Variants in TCERG1 observed in about 807,000 individuals in gnomAD.
TCERG1 encodes the protein TATA box binding protein (TBP)-associated factor, RNA polymerase II, S, 150kD.
Under a neutral mutation model 144.7 loss-of-function variants are expected in TCERG1, and 37 were observed. The ratio of observed to expected loss-of-function variants is 0.26; its 90% CI spans 0.20 to 0.34. The LOEUF (loss-of-function observed/expected upper bound fraction) is 0.34, where lower values mean the gene tolerates loss of function less well. Ranked by LOEUF, TCERG1 falls within the 10% of genes least tolerant of loss-of-function variation. The probability of loss-of-function intolerance (pLI) is 1.00; values close to 1 mark genes in which losing one functional copy is unlikely to be tolerated. For synonymous variants in TCERG1, 492 were observed against 458.2 expected (o/e 1.07, Z -0.94); for missense variants, 1,027 against 1,380.7 (o/e 0.74, Z 4.06).
chr5:146,461,400 G>A (rs1216848143), intron 4 of TCERG1, among the ~76,000 whole-genome samples: 2 of 151,990 alleles, frequency 1.3e-5, no homozygotes, highest in Non-Finnish European at 2.9e-5. Context: ...AAGATCTGAG[G>A]CTGGGTTAGT....
chr5:146,455,215 T>C lies in TCERG1; in HGVS notation c.219T>C (p.Asp73=), dbSNP rs773193525. Residue 73 remains aspartate (D), a synonymous_variant, in exon 2 of 23, where the codon GAT becomes GAC. Coordinates refer to ENST00000679501, the MANE Select transcript of TCERG1 (RefSeq NM_001382548.1). The stretch of plus-strand genomic sequence containing the variant: ...CGCCCTTTGGACGTCCTCCTTTTGA[T>C]CCTAATATGCCGCCAATGCCTCCTC... The part of the protein sequence containing the change: ...PRPPFGRPPF[D]PNMPPMPPPG... The C allele has an allele frequency of 3.7e-6, 6 of 1,614,178 alleles. No individual in the cohort carries two copies. Among genetic ancestry groups the C allele is most frequent in the Non-Finnish European group, 5.1e-6 (6 of 1,180,042 alleles).
At chr5:146,496,538 T>C (rs1766921510) in intron 16 of TCERG1, among the ~76,000 whole-genome samples, 1 of 152,172 alleles carries the variant, frequency 6.6e-6, no homozygotes, top group South Asian at 2.1e-4. Flanking sequence ...AGTTAATTTT[T>C]TTTCATTAGT....
intron 9 of TCERG1, among the ~76,000 whole-genome samples, chr5:146,474,439 C>T (rs912436060): frequency 6.6e-6 from 1 of 152,144 alleles, no homozygotes; most frequent in Admixed American, 6.5e-5. Context: ...ATGCCATGAA[C>T]ATTGTTGAAA....
At chr5:146,487,952 C>T (rs1025004647) in intron 15 of TCERG1, among the ~76,000 whole-genome samples, 5 of 152,088 alleles carry the variant, frequency 3.3e-5, no homozygotes, top group African/African-American at 1.2e-4. Flanking sequence ...ATCCATATAT[C>T]TATAGGCAAC....
rs1393636462 is a variant in TCERG1, at chr5:146,470,631, C to G, written c.1400-5C>G. On this transcript the variant is annotated splice_polypyrimidine_tract_variant and splice_region_variant and intron_variant, in intron 7 of 22. Transcript: ENST00000679501. ...TGAGTGACATTATCTTAATTTTTTT[C>G]ATAGAAAAGTTAGAAGAGAAGATTA... is the stretch of plus-strand genomic sequence containing the variant. 8.8e-6 allele frequency: 14 copies of G among 1,585,278 alleles called. No homozygotes were observed. The highest frequency in any genetic ancestry group is 1.1e-5 in the Non-Finnish European group (13 of 1,171,960).
intron 9 of TCERG1, among the ~76,000 whole-genome samples, chr5:146,477,258 T>C (rs372468636): frequency 1.3e-5 from 2 of 152,144 alleles, no homozygotes; most frequent in Admixed American, 6.5e-5. Flanking sequence ...CAGGGAGGTA[T>C]AGTTATTGTT....
At chr5:146,498,727 G>A (rs1410391442) in intron 17 of TCERG1, 41 bp downstream of exon 17, 4 of 1,579,878 alleles carry the variant, frequency 2.5e-6, no homozygotes, top group Non-Finnish European at 3.4e-6. Flanking sequence ...TGATGGGAGT[G>A]TGAATGGGAA....
intron 4 of TCERG1, among the ~76,000 whole-genome samples, chr5:146,460,907 C>T (rs1398760613): frequency 6.6e-6 from 1 of 152,100 alleles, no homozygotes; most frequent in African/African-American, 2.4e-5. Flanking sequence ...ACCTCTGTGG[C>T]AAGGCAGGAG....
intron 15 of TCERG1, among the ~76,000 whole-genome samples, chr5:146,484,730 C>A (rs1038933341): frequency 6.6e-6 from 1 of 152,040 alleles, no homozygotes; most frequent in East Asian, 1.9e-4. Context: ...ATAAATTAGC[C>A]TTGATTCCTT....
At chr5:146,448,874 T>C (rs1247157822) in intron 1 of TCERG1, among the ~76,000 whole-genome samples, 1 of 152,202 alleles carries the variant, frequency 6.6e-6, no homozygotes, top group Non-Finnish European at 1.5e-5. Context: ...TTCAGATGGA[T>C]TTATTAGGGA....
chr5:146,447,378 A>G lies in TCERG1; in HGVS notation c.29A>G (p.Glu10Gly), dbSNP rs1448620487. 2.5e-6 allele frequency: 4 copies of G among 1,611,326 alleles called. No homozygotes were observed. Among genetic ancestry groups the G allele is most frequent in the South Asian group, 1.1e-5 (1 of 90,830 alleles). MAERGGDGG[E>G]SERFNPGELR... ...GCGGAGCGTGGCGGGGACGGGGGCG[A>G]GAGTGAACGATTCAACCCGGGGGAG... Residue 10 changes from glutamate (E) to glycine (G), a missense_variant, in exon 1 of 23, where the codon GAG (glutamate) becomes GGG (glycine). Around this residue, in one of 6 missense-constraint regions of TCERG1, gnomAD observed 175 missense variants for 197.0 expected, o/e 0.89. Transcript: ENST00000679501.
chr5:146,483,938 A>G (rs1399412805), intron 15 of TCERG1, among the ~76,000 whole-genome samples: 3 of 152,128 alleles, frequency 2.0e-5, no homozygotes, highest in South Asian at 2.1e-4. Flanking sequence ...GTTTGGGCCA[A>G]TGATGCAAAT....
chr5:146,491,843 T>C (rs774824715), intron 15 of TCERG1, among the ~76,000 whole-genome samples: 1 of 152,216 alleles, frequency 6.6e-6, no homozygotes, highest in Non-Finnish European at 1.5e-5. Flanking sequence ...GTCAAGTACC[T>C]GTAGACATAC....
chr5:146,450,244 A>G (rs1400795128), intron 1 of TCERG1, among the ~76,000 whole-genome samples: 1 of 152,260 alleles, frequency 6.6e-6, no homozygotes, highest in Non-Finnish European at 1.5e-5. Context: ...TGTAGAGGCC[A>G]GAAGTGGGAA....
intron 5 of TCERG1, among the ~76,000 whole-genome samples, chr5:146,467,629 C>T (rs1012778136): frequency 6.6e-6 from 1 of 152,142 alleles, no homozygotes; most frequent in Non-Finnish European, 1.5e-5. Flanking sequence ...CCCAAGTAGT[C>T]ATTAGTGGTA....
intron 1 of TCERG1, among the ~76,000 whole-genome samples, chr5:146,451,875 C>T (rs566201240): frequency 4.0e-5 from 6 of 151,724 alleles, no homozygotes; most frequent in Admixed American, 1.3e-4. Context: ...GCAACCTCTG[C>T]CTCCTGGGTT....
At chr5:146,471,419 T>G in intron 8 of TCERG1, 69 bp from the exon 9 acceptor site, 1 of 1,423,290 alleles carries the variant, frequency 7.0e-7, no homozygotes, top group Non-Finnish European at 9.6e-7. Context: ...GCTGTTTGCC[T>G]TCATGTTTTT....
At chr5:146,489,289 C>G (rs570951148) in intron 15 of TCERG1, among the ~76,000 whole-genome samples, 2 of 152,034 alleles carry the variant, frequency 1.3e-5, no homozygotes, top group Non-Finnish European at 2.9e-5. Context: ...AAACACATTT[C>G]GATTGCACAT....
chr5:146,468,047 G>T (rs573016242), intron 5 of TCERG1, among the ~76,000 whole-genome samples: 1 of 152,144 alleles, frequency 6.6e-6, no homozygotes, highest in Non-Finnish European at 1.5e-5. Flanking sequence ...AATTTGTTAT[G>T]TATGTGTAAT....
Sources: allele counts gnomAD v4.1 joint callset (sites outside exome capture counted in the v4.1 genomes callset), GRCh38; gene constraint gnomAD v4.1.1; regional missense constraint gnomAD v4.1.1; transcripts MANE v1.5; gene names NCBI Gene and HGNC (gene_info 2026-07-23, HGNC 2026-07-21).